Variants in LYPD6B observed in about 807,000 individuals in gnomAD.
LYPD6B encodes the protein LY6/PLAUR domain containing 6B.
Under a neutral mutation model 22.8 loss-of-function variants are expected in LYPD6B, and 17 were observed. That is an observed-to-expected ratio of 0.75 (90% CI 0.51 to 1.12). The LOEUF (loss-of-function observed/expected upper bound fraction) is 1.12, where lower values mean the gene tolerates loss of function less well. Ranked by LOEUF, LYPD6B falls within the 50% of genes most tolerant of loss-of-function variation. LYPD6B has a pLI of 0.00. For missense variants in LYPD6B, 221 were observed against 258.3 expected (o/e 0.86, Z 0.99); for synonymous variants, 106 against 91.6 (o/e 1.16, Z -0.90).
At chr2:149,046,052 T>C (rs558097808) in intron 1 of LYPD6B, among the ~76,000 whole-genome samples, 2 of 152,310 alleles carry the variant, frequency 1.3e-5, no homozygotes, top group South Asian at 4.1e-4. Context: ...TCTTACTTCA[T>C]GTATTTTGAC....
At chr2:149,185,521 A>G (rs1241656351) in intron 3 of LYPD6B, among the ~76,000 whole-genome samples, 1 of 152,216 alleles carries the variant, frequency 6.6e-6, no homozygotes, top group Non-Finnish European at 1.5e-5. Context: ...GAAAGTAAGC[A>G]ATTAGGGAAA....
rs182951569 is a variant in LYPD6B at position 149,079,854 on chromosome 2, G to A, written c.-67+41053G>A. 1.9e-3 allele frequency among the ~76,000 whole-genome samples: 282 copies of A among 152,158 alleles called. 1 individual carries two copies. Among genetic ancestry groups the A allele is most frequent in the Non-Finnish European group, 2.8e-3 (192 of 67,996 alleles). On this transcript the variant is annotated intron_variant, in intron 1 of 6. Coordinates refer to ENST00000409642, the MANE Select transcript of LYPD6B (RefSeq NM_177964.5). ...GGGGTTAGCAGACCTCCGGAAAAGG[G>A]GATTTTGTCATTTCTTTCATTCTCG... is the stretch of plus-strand genomic sequence containing the variant.
intron 1 of LYPD6B, among the ~76,000 whole-genome samples, chr2:149,078,863 C>G (rs1477495543): frequency 6.6e-6 from 1 of 151,956 alleles, no homozygotes; most frequent in African/African-American, 2.4e-5. Context: ...TAAAAATTAG[C>G]AGGGTGTGGT....
chr2:149,162,280 T>G (rs747645234), intron 3 of LYPD6B, among the ~76,000 whole-genome samples: 1 of 152,236 alleles, frequency 6.6e-6, no homozygotes, highest in Non-Finnish European at 1.5e-5. Flanking sequence ...GCATTTTGCA[T>G]GCATTCTCTC....
At chr2:149,104,474 A>G (rs1477426469) in intron 1 of LYPD6B, among the ~76,000 whole-genome samples, 1 of 152,192 alleles carries the variant, frequency 6.6e-6, no homozygotes, top group East Asian at 1.9e-4. Context: ...TGCATCTCCC[A>G]ACTGAGTAAT....
chr2:149,213,203 A>ATAG, intron 6 of LYPD6B, 81 bp downstream of exon 6: 1 of 1,547,500 alleles, frequency 6.5e-7, no homozygotes, highest in South Asian at 1.2e-5. Flanking sequence ...GGCAGGAAGG[A>ATAG]TAGTAATATG....
intron 1 of LYPD6B, among the ~76,000 whole-genome samples, chr2:149,045,486 G>C (rs1476769825): frequency 6.6e-6 from 1 of 151,786 alleles, no homozygotes; most frequent in Non-Finnish European, 1.5e-5. Flanking sequence ...TATTTTTTAA[G>C]GGATAAGCTT....
rs532467742 is a variant in LYPD6B, at chr2:149,206,629, A to T, written c.229+1225A>T. Among the ~76,000 whole-genome samples, 8 of 152,292 alleles carry T rather than the reference A, an allele frequency of 5.3e-5. No individual in the cohort carries two copies. The East Asian group carries it at 1.5e-3, about 29-fold the overall frequency. On this transcript the variant is annotated intron_variant, in intron 4 of 6. Transcript: ENST00000409642. ...AAAGACAAAAAAGTAATTCATGTTC[A>T]TTATAGAAAATTCCAAAGAGACGGA...
At chr2:149,214,261 G>A (rs1694055294) in intron 6 of LYPD6B, among the ~76,000 whole-genome samples, 1 of 152,082 alleles carries the variant, frequency 6.6e-6, no homozygotes, top group African/African-American at 2.4e-5. Context: ...ACTCAATCAA[G>A]CACTCTTATG....
chr2:149,066,774 T>C (rs1165382095), intron 1 of LYPD6B, among the ~76,000 whole-genome samples: 1 of 152,126 alleles, frequency 6.6e-6, no homozygotes, highest in African/African-American at 2.4e-5. Flanking sequence ...ACTTCCTCTC[T>C]TTTCTCATTT....
At chr2:149,153,505 G>A (rs535127900) in intron 2 of LYPD6B, among the ~76,000 whole-genome samples, 2 of 152,132 alleles carry the variant, frequency 1.3e-5, no homozygotes, top group Non-Finnish European at 2.9e-5. Context: ...GGCTGGGCGC[G>A]GTGGCTCATG....
intron 1 of LYPD6B, among the ~76,000 whole-genome samples, chr2:149,120,443 C>T (rs1381663838): frequency 9.4e-5 from 12 of 127,426 alleles, no homozygotes; most frequent in East Asian, 7.5e-4. Context: ...AGTGCAGTGG[C>T]GCGATCTCGG....
chr2:149,115,975 GGTT>G (rs1686985667), intron 1 of LYPD6B, among the ~76,000 whole-genome samples: 1 of 152,174 alleles, frequency 6.6e-6, no homozygotes, highest in Non-Finnish European at 1.5e-5. Context: ...TAGGCATCTT[GGTT>G]ATCAGATCTA....
chr2:149,193,127 C>T (rs1220939044), intron 3 of LYPD6B, among the ~76,000 whole-genome samples: 1 of 152,130 alleles, frequency 6.6e-6, no homozygotes. Context: ...TTAGGGTCAT[C>T]GGTGCTTCCC....
At chr2:149,175,237 C>T (rs1691211648) in intron 3 of LYPD6B, among the ~76,000 whole-genome samples, 1 of 152,068 alleles carries the variant, frequency 6.6e-6, no homozygotes, top group African/African-American at 2.4e-5. Context: ...CCTATTCCTC[C>T]TAGGGCTACA....
chr2:149,061,918 G>A (rs1033502906), intron 1 of LYPD6B, among the ~76,000 whole-genome samples: 2 of 151,714 alleles, frequency 1.3e-5, no homozygotes, highest in East Asian at 1.9e-4. Context: ...ATAATTAAGT[G>A]TAAGATTAAA....
At chr2:149,128,833 C>G (rs909297319) in intron 1 of LYPD6B, among the ~76,000 whole-genome samples, 1 of 152,170 alleles carries the variant, frequency 6.6e-6, no homozygotes, top group Non-Finnish European at 1.5e-5. Flanking sequence ...GAACATATCA[C>G]CTACTTTTTC....
intron 3 of LYPD6B, among the ~76,000 whole-genome samples, chr2:149,184,611 T>C (rs1322237254): frequency 6.6e-6 from 1 of 152,246 alleles, no homozygotes; most frequent in Non-Finnish European, 1.5e-5. Context: ...TATAACCAAA[T>C]AAAGCTTGTT....
intron 1 of LYPD6B, among the ~76,000 whole-genome samples, chr2:149,057,376 G>C (rs1383896453): frequency 2.0e-5 from 3 of 148,988 alleles, no homozygotes; most frequent in African/African-American, 7.3e-5. Flanking sequence ...CTCCCACCCT[G>C]ACCCTGCCCT....
Sources: allele counts gnomAD v4.1 joint callset (sites outside exome capture counted in the v4.1 genomes callset), GRCh38; gene constraint gnomAD v4.1.1; transcripts MANE v1.5; gene names NCBI Gene and HGNC (gene_info 2026-07-23, HGNC 2026-07-21).